Variants in CAMTA1 observed in about 807,000 individuals in gnomAD.
The protein encoded by CAMTA1 is calmodulin-binding transcription activator 1.
CAMTA1 carries 27 observed loss-of-function variants against 170.9 expected under a neutral mutation model. The observed-to-expected ratio is 0.16, with a 90% CI of 0.12 to 0.22. The LOEUF is 0.22. CAMTA1 is among the 10% of genes least tolerant of loss of function. The pLI, the probability that CAMTA1 is intolerant of heterozygous loss-of-function variation, is 1.00. For synonymous variants in CAMTA1, 833 were observed against 891.5 expected (o/e 0.93, Z 1.17); for missense variants, 1,619 against 2,217.2 (o/e 0.73, Z 5.42).
Position 7,663,703 on chromosome 1 carries a change from G to A in CAMTA1, c.1156G>A (p.Val386Met). Residue 386 changes from valine (V) to methionine (M), a missense_variant, in exon 9 of 23, where the codon GTG (valine) becomes ATG (methionine). Val to Met is a conservative substitution (Grantham distance 21). Coordinates refer to ENST00000303635, the MANE Select transcript of CAMTA1 (RefSeq NM_015215.4). ...PVVTGVSGMA[V>M]ASVMGSLSQS... ...GGTCACAGGTGTGTCCGGTATGGCG[G>A]TGGCCTCTGTGATGGGGAGCTTGTC... The A allele has an allele frequency of 1.9e-6, 3 of 1,614,110 alleles. No individual in the cohort carries two copies. Among genetic ancestry groups the A allele is most frequent in the Non-Finnish European group, 2.5e-6 (3 of 1,180,038 alleles).
chr1:7,204,876 C>T (rs1657431863), intron 4 of CAMTA1, among the ~76,000 whole-genome samples: 1 of 130,404 alleles, frequency 7.7e-6, no homozygotes, highest in Non-Finnish European at 1.5e-5. Flanking sequence ...GTCACCCAGG[C>T]TGAAGTGCAG....
At chr1:6,973,910 A>C (rs1215542019) in intron 3 of CAMTA1, among the ~76,000 whole-genome samples, 1 of 152,182 alleles carries the variant, frequency 6.6e-6, no homozygotes, top group African/African-American at 2.4e-5. Flanking sequence ...AGGGGCTTTC[A>C]CGTTTCTGAA....
chr1:7,493,104 C>T (rs1230782457), intron 6 of CAMTA1, among the ~76,000 whole-genome samples: 4 of 137,650 alleles, frequency 2.9e-5, no homozygotes, highest in Non-Finnish European at 6.0e-5. Context: ...CAACACAAAC[C>T]TACATACACA....
At position 7,113,803 on chromosome 1, in the gene CAMTA1, G is replaced by A. The variant is rs1644202171; in HGVS notation, c.302+22432G>A. ...AGGAGTGAGTGCTTCTTGCATCCAA[G>A]TGCCTGGCAGAAATGAAGTCACTTT... is the stretch of plus-strand genomic sequence containing the variant. On this transcript the variant is annotated intron_variant, in intron 4 of 22. Coordinates refer to ENST00000303635, the MANE Select transcript of CAMTA1 (RefSeq NM_015215.4). This position sits in a 1 kb window ranked among gnomAD's most constrained non-coding sequence, Gnocchi z 4.5. 6.6e-6 allele frequency among the ~76,000 whole-genome samples: 1 copy of A among 152,206 alleles called. No homozygotes were observed. The highest frequency in any genetic ancestry group is 2.4e-5 in the African/African-American group (1 of 41,448).
intron 3 of CAMTA1, among the ~76,000 whole-genome samples, chr1:7,085,042 G>A (rs1017358675): frequency 1.3e-5 from 2 of 152,178 alleles, no homozygotes; most frequent in Admixed American, 6.5e-5. Context: ...GTGCAGGTTT[G>A]TTACGTAGGT....
chr1:7,679,583 C>CA (rs978415865), intron 11 of CAMTA1, among the ~76,000 whole-genome samples: 1 of 149,876 alleles, frequency 6.7e-6, no homozygotes, highest in Non-Finnish European at 1.5e-5. Flanking sequence ...CTGCCCCCCC[C>CA]CCCAGAACTT....
At chr1:6,907,493 G>A (rs1011849881) in intron 3 of CAMTA1, among the ~76,000 whole-genome samples, 1 of 152,198 alleles carries the variant, frequency 6.6e-6, no homozygotes, top group African/African-American at 2.4e-5. Context: ...TCCTGGGGGA[G>A]TTTCACATGA....
rs540454154 is a variant in CAMTA1, at chr1:6,846,577, C to T, written c.234+21367C>T. ...CTAGAAACATTTTTAGCTGTAGTTA[C>T]GAAGACTTCTAGCTTTTTGTCAACT... On this transcript the variant is annotated intron_variant, in intron 3 of 22. Transcript: ENST00000303635. Among the ~76,000 whole-genome samples, 8 of 152,290 alleles carry T rather than the reference C, an allele frequency of 5.3e-5. No homozygotes were observed. In the East Asian group the frequency reaches 1.2e-3, roughly 22 times the overall value.
chr1:6,869,687 C>A (rs1333537072), intron 3 of CAMTA1, among the ~76,000 whole-genome samples: 1 of 152,082 alleles, frequency 6.6e-6, no homozygotes, highest in Non-Finnish European at 1.5e-5. Context: ...TTTTTGAAAT[C>A]ACCTAAAATG....
chr1:7,475,336 T>A (rs551966608), intron 6 of CAMTA1, among the ~76,000 whole-genome samples: 1 of 152,220 alleles, frequency 6.6e-6, no homozygotes, highest in East Asian at 1.9e-4. Flanking sequence ...AAATGAGGCT[T>A]GGCGGGGGGG....
intron 21 of CAMTA1, 94 bp downstream of exon 21, chr1:7,752,627 C>A (rs1022703645): frequency 4.2e-6 from 4 of 952,088 alleles, no homozygotes; most frequent in East Asian, 5.4e-5. Flanking sequence ...TAAAGCTAAT[C>A]CCCCTGCAGA....
intron 3 of CAMTA1, among the ~76,000 whole-genome samples, chr1:6,943,101 C>T (rs551000809): frequency 2.8e-4 from 42 of 152,108 alleles, no homozygotes; most frequent in Non-Finnish European, 4.4e-4. Flanking sequence ...TGGCTGGTGC[C>T]GTGACTGGCC....
At chr1:7,271,334 G>T (rs1422503811) in intron 5 of CAMTA1, among the ~76,000 whole-genome samples, 1 of 152,118 alleles carries the variant, frequency 6.6e-6, no homozygotes, top group Non-Finnish European at 1.5e-5. Flanking sequence ...CTTGATCATG[G>T]ACTCCTAGAC....
intron 3 of CAMTA1, among the ~76,000 whole-genome samples, chr1:6,871,352 T>C (rs1301234241): frequency 2.9e-4 from 44 of 152,240 alleles, no homozygotes; most frequent in Non-Finnish European, 4.4e-5. Context: ...ATGGAAATTT[T>C]ATGCAGCTAC....
chr1:6,868,524 T>C (rs1277877666), intron 3 of CAMTA1, among the ~76,000 whole-genome samples: 1 of 152,060 alleles, frequency 6.6e-6, no homozygotes, highest in Non-Finnish European at 1.5e-5. Context: ...GAGGTGAAAA[T>C]GGCGGCATTT....
At chr1:7,377,586 A>G (rs2086939006) in intron 5 of CAMTA1, among the ~76,000 whole-genome samples, 1 of 152,196 alleles carries the variant, frequency 6.6e-6, no homozygotes, top group Non-Finnish European at 1.5e-5. Context: ...CACTGCAGCT[A>G]GTGGATACAA....
intron 6 of CAMTA1, among the ~76,000 whole-genome samples, chr1:7,512,784 G>A (rs1349749472): frequency 6.6e-6 from 1 of 152,220 alleles, no homozygotes; most frequent in African/African-American, 2.4e-5. Context: ...ACAAGCCCCT[G>A]AGAAGGTGTC....
chr1:7,681,879 C>T lies in CAMTA1; in HGVS notation c.2914+4146C>T, dbSNP rs2096209280. 6.6e-6 allele frequency among the ~76,000 whole-genome samples: 1 copy of T among 152,110 alleles called. No homozygotes were observed. The highest frequency in any genetic ancestry group is 1.5e-5 in the Non-Finnish European group (1 of 68,018). On this transcript the variant is annotated intron_variant, in intron 11 of 22. Transcript: ENST00000303635. This position sits in a 1 kb window ranked among gnomAD's most constrained non-coding sequence, Gnocchi z 4.6. The stretch of plus-strand genomic sequence containing the variant: ...GGACACTGGGACACCTTTAAGTGAC[C>T]TGGGTCCCTAGAAGAGAAGGTGAGC...
At chr1:7,599,100 C>T (rs1254773315) in intron 6 of CAMTA1, among the ~76,000 whole-genome samples, 1 of 152,066 alleles carries the variant, frequency 6.6e-6, no homozygotes, top group Non-Finnish European at 1.5e-5. Context: ...TTAATCCATC[C>T]TGAATTAATT....
Sources: allele counts gnomAD v4.1 joint callset (sites outside exome capture counted in the v4.1 genomes callset), GRCh38; gene constraint gnomAD v4.1.1; non-coding constraint Gnocchi (gnomAD v3.1); transcripts MANE v1.5; gene names NCBI Gene and HGNC (gene_info 2026-07-23, HGNC 2026-07-21).